Variants in TMEM182 observed in about 807,000 individuals in gnomAD.
TMEM182 encodes the protein transmembrane protein 182.
TMEM182 carries 20 observed loss-of-function variants against 26.8 expected under a neutral mutation model. That is an observed-to-expected ratio of 0.75 (90% CI 0.53 to 1.09). The LOEUF (loss-of-function observed/expected upper bound fraction) is 1.09, where lower values mean the gene tolerates loss of function less well. Ranked by LOEUF, TMEM182 falls within the 50% of genes least tolerant of loss-of-function variation. The pLI, the probability that TMEM182 is intolerant of heterozygous loss-of-function variation, is 0.00. For synonymous variants in TMEM182, 109 were observed against 102.2 expected, an observed-to-expected ratio of 1.07 and a Z score of -0.40; for missense variants, 277 against 275.5, an observed-to-expected ratio of 1.01 and a Z score of -0.04.
At chr2:102,738,045 T>C (rs959917756) in intron 1 of TMEM182, among the ~76,000 whole-genome samples, 1 of 152,208 alleles carries the variant, frequency 6.6e-6, no homozygotes, top group Admixed American at 6.5e-5. Flanking sequence ...CTGTCAATCG[T>C]GAACCCCCAA....
Position 102,814,668 on chromosome 2 carries a change from C to CCGGAT in TMEM182, c.470-80_470-79insCGGAT, listed in dbSNP as rs952513319. On this transcript the variant is annotated intron_variant, in intron 4 of 4. Coordinates refer to ENST00000412401, the MANE Select transcript of TMEM182 (RefSeq NM_144632.5). Reference sequence around the variant, plus strand: ...AATGTATTTGCAGGAGCTTGTCATCCGGTCAATGATTGGTTTAGATAGCGT... The same window carrying CCGGAT: ...AATGTATTTGCAGGAGCTTGTCATCCCGGATGGTCAATGATTGGTTTAGATAGCGT... 8 of 1,272,628 alleles carry CCGGAT rather than the reference C, an allele frequency of 6.3e-6. No individual in the cohort carries two copies. The African/African-American group carries it at 1.2e-4, about 19-fold the overall frequency. The allele number at this position is 1,272,628 out of a possible 1,614,324, so 78.8% of individuals were successfully genotyped here.
At chr2:102,762,526 G>A (rs1573501478) in intron 1 of TMEM182, 61 bp from the exon 2 acceptor site, 1 of 1,565,384 alleles carries the variant, frequency 6.4e-7, no homozygotes, top group East Asian at 2.2e-5. Flanking sequence ...TTTACTGGCT[G>A]TAATGATTTT....
intron 4 of TMEM182, 152 bp downstream of exon 4, chr2:102,798,152 G>T (rs1681962885): frequency 1.9e-6 from 2 of 1,071,184 alleles, no homozygotes; most frequent in Non-Finnish European, 1.3e-6. Context: ...AATAATATTT[G>T]TATACAATAC....
intron 1 of TMEM182, 24 bp downstream of exon 1, chr2:102,762,373 G>A: frequency 1.2e-6 from 2 of 1,613,568 alleles, no homozygotes; most frequent in Non-Finnish European, 1.7e-6. Flanking sequence ...TCAAAATAGT[G>A]ATGCACATGG....
At chr2:102,804,156 A>AT (rs1402218298) in intron 4 of TMEM182, among the ~76,000 whole-genome samples, 1 of 148,042 alleles carries the variant, frequency 6.8e-6, no homozygotes, top group African/African-American at 2.5e-5. Flanking sequence ...TTATTATTTT[A>AT]TTTTTTAAAA....
At chr2:102,790,708 A>C (rs1305488851) in intron 3 of TMEM182, among the ~76,000 whole-genome samples, 1 of 152,154 alleles carries the variant, frequency 6.6e-6, no homozygotes, top group African/African-American at 2.4e-5. Flanking sequence ...GCCTACTCAC[A>C]TCACTTTGAA....
chr2:102,816,766 T>G lies in TMEM182; in HGVS notation c.*1798T>G. On this transcript the variant is annotated 3_prime_UTR_variant, in exon 5 of 5. Coordinates refer to ENST00000412401, the MANE Select transcript of TMEM182 (RefSeq NM_144632.5). ...TGCCATTAAGTTTTCCAGACGATGT[T>G]GGATGTATCTGATTAGTTCATGTCA... 3.0e-6 allele frequency: 3 copies of G among 985,862 alleles called. No individual in the cohort carries two copies. Among genetic ancestry groups the G allele is most frequent in the Non-Finnish European group, 3.6e-6 (3 of 829,920 alleles). 61.1% of individuals were successfully genotyped at this position (985,862 alleles called of 1,614,324 possible).
intron 4 of TMEM182, 77 bp from the exon 5 acceptor site, chr2:102,814,671 T>A: frequency 7.6e-7 from 1 of 1,315,230 alleles, no homozygotes. Flanking sequence ...TGTCATCCGG[T>A]CAATGATTGG....
At chr2:102,806,546 C>A (rs966518413) in intron 4 of TMEM182, among the ~76,000 whole-genome samples, 1 of 152,170 alleles carries the variant, frequency 6.6e-6, no homozygotes, top group African/African-American at 2.4e-5. Flanking sequence ...CGAGTTTATT[C>A]TTTTGCCTCT....
chr2:102,821,506 A>T (rs1362699589), downstream of TMEM182, among the ~76,000 whole-genome samples: 1 of 152,134 alleles, frequency 6.6e-6, no homozygotes, highest in African/African-American at 2.4e-5. Context: ...CATGAGTAAA[A>T]GTTCCCTGAG....
chr2:102,812,402 C>G (rs1384635672), intron 4 of TMEM182, among the ~76,000 whole-genome samples: 1 of 147,790 alleles, frequency 6.8e-6, no homozygotes, highest in African/African-American at 2.6e-5. Context: ...CACACACACA[C>G]ACACACACAC....
At chr2:102,833,415 C>T (rs1273372330) in intron 3 of TMEM182, among the ~76,000 whole-genome samples, 3 of 152,110 alleles carry the variant, frequency 2.0e-5, no homozygotes, top group Admixed American at 6.6e-5. Flanking sequence ...GGTCAAACAT[C>T]GTGCTTATTT....
intron 3 of TMEM182, among the ~76,000 whole-genome samples, chr2:102,791,427 A>G (rs1681631970): frequency 1.3e-5 from 2 of 152,244 alleles, no homozygotes; most frequent in African/African-American, 4.8e-5. Context: ...ATAAGTTGCT[A>G]GAAAATGTAA....
chr2:102,771,233 A>G (rs1030213903), intron 3 of TMEM182, among the ~76,000 whole-genome samples: 4 of 152,208 alleles, frequency 2.6e-5, no homozygotes, highest in Admixed American at 6.5e-5. Context: ...AATGCCTAAC[A>G]TCAACTTAAT....
chr2:102,767,335 A>G (rs1680494285), intron 3 of TMEM182, among the ~76,000 whole-genome samples: 1 of 152,164 alleles, frequency 6.6e-6, no homozygotes, highest in African/African-American at 2.4e-5. Flanking sequence ...GGTCTAATTC[A>G]CAGAATTGCT....
chr2:102,811,658 A>G (rs915061198), intron 4 of TMEM182, among the ~76,000 whole-genome samples: 3 of 152,176 alleles, frequency 2.0e-5, no homozygotes, highest in East Asian at 1.9e-4. Context: ...TCATTTATTT[A>G]TATCACTGTG....
At chr2:102,758,066 C>T (rs1680099287), upstream of TMEM182, among the ~76,000 whole-genome samples, 1 of 152,140 alleles carries the variant, frequency 6.6e-6, no homozygotes, top group Non-Finnish European at 1.5e-5. Context: ...AACCATATCA[C>T]TCAGTGTGAT....
intron 1 of TMEM182, among the ~76,000 whole-genome samples, chr2:102,756,231 T>C (rs1573494236): frequency 6.6e-6 from 1 of 152,222 alleles, no homozygotes; most frequent in East Asian, 1.9e-4. Context: ...TTTTATTTTA[T>C]TGTGTTTTTT....
chr2:102,742,919 T>A (rs552192681), intron 1 of TMEM182, among the ~76,000 whole-genome samples: 4 of 152,084 alleles, frequency 2.6e-5, no homozygotes, highest in Non-Finnish European at 5.9e-5. Context: ...TCAAAAAATG[T>A]TAAAAGAAGT....
Sources: allele counts gnomAD v4.1 joint callset (sites outside exome capture counted in the v4.1 genomes callset), GRCh38; gene constraint gnomAD v4.1.1; transcripts MANE v1.5; gene names NCBI Gene and HGNC (gene_info 2026-07-23, HGNC 2026-07-21).